The following TMEM178B variants were observed in gnomAD, a reference collection of about 807,000 sequenced individuals.
TMEM178B encodes the protein transmembrane protein 178B.
A neutral mutation model predicts 31.0 loss-of-function variants in TMEM178B; 5 were observed. The ratio of observed to expected loss-of-function variants is 0.16; its 90% CI spans 0.08 to 0.34. TMEM178B has a LOEUF of 0.34. Ranked by LOEUF, TMEM178B falls within the 10% of genes least tolerant of loss-of-function variation. TMEM178B has a pLI of 1.00. For synonymous variants in TMEM178B, 164 were observed against 164.0 expected, an observed-to-expected ratio of 1.00 and a Z score of 0.00; for missense variants, 275 against 400.3, an observed-to-expected ratio of 0.69 and a Z score of 2.67.
intron 2 of TMEM178B, among the ~76,000 whole-genome samples, chr7:141,365,709 G>C (rs1005791119): frequency 2.0e-5 from 3 of 152,208 alleles, no homozygotes; most frequent in Admixed American, 2.0e-4. Context: ...ATGACATTCT[G>C]TCTGCAGGTG....
At chr7:141,488,839 T>C in the TMEM178B span, among the ~76,000 whole-genome samples, 3 of 148,874 alleles carry the variant, frequency 2.0e-5, no homozygotes, top group African/African-American at 7.4e-5. Context: ...AAAAAAAAGA[T>C]GTCAGTTTAT....
chr7:141,315,021 G>A (rs1465079386), intron 2 of TMEM178B, among the ~76,000 whole-genome samples: 1 of 152,184 alleles, frequency 6.6e-6, no homozygotes, highest in Non-Finnish European at 1.5e-5. Context: ...CCTTCTTCCT[G>A]ATGTGCTTCA....
chr7:141,433,321 T>G (rs1181740), intron 2 of TMEM178B, among the ~76,000 whole-genome samples: 88,480 of 152,066 alleles, frequency 0.58, 26,535 homozygotes, highest in African/African-American at 0.73. Context: ...CAGATCCAAA[T>G]GGACCTGCTG....
At chr7:141,312,794 A>T (rs1180350203) in intron 2 of TMEM178B, among the ~76,000 whole-genome samples, 1 of 152,254 alleles carries the variant, frequency 6.6e-6, no homozygotes, top group Non-Finnish European at 1.5e-5. Flanking sequence ...TTTCTAAAGC[A>T]GGTGGAAGCC....
intron 2 of TMEM178B, among the ~76,000 whole-genome samples, chr7:141,369,037 C>A (rs1319368565): frequency 6.6e-6 from 1 of 151,662 alleles, no homozygotes; most frequent in Non-Finnish European, 1.5e-5. Context: ...CTCTTGCTCA[C>A]CCCCCTTTCC....
chr7:141,342,483 G>A (rs1799532252), intron 2 of TMEM178B, among the ~76,000 whole-genome samples: 1 of 152,166 alleles, frequency 6.6e-6, no homozygotes. Context: ...AGGGGCTGAG[G>A]AATTTGCTTA....
chr7:141,238,705 G>A (rs1797568561), intron 2 of TMEM178B, among the ~76,000 whole-genome samples: 1 of 152,336 alleles, frequency 6.6e-6, no homozygotes, highest in African/African-American at 2.4e-5. Context: ...CTGTCTGGGT[G>A]TGCCACTGTG....
chr7:141,212,543 T>C (rs1474269535), intron 1 of TMEM178B, 48 bp from the exon 2 acceptor site: 7 of 1,456,612 alleles, frequency 4.8e-6, no homozygotes, highest in African/African-American at 2.8e-5. Flanking sequence ...CTAGTCCAGA[T>C]GTGGTTGCTG....
intron 1 of TMEM178B, among the ~76,000 whole-genome samples, chr7:141,186,677 T>C (rs1796614390): frequency 6.6e-6 from 1 of 152,218 alleles, no homozygotes; most frequent in Non-Finnish European, 1.5e-5. Context: ...CCATATGGCA[T>C]GGGTGGCCAA....
At chr7:141,342,205 T>C (rs1205532452) in intron 2 of TMEM178B, among the ~76,000 whole-genome samples, 4 of 152,058 alleles carry the variant, frequency 2.6e-5, no homozygotes, top group African/African-American at 9.7e-5. Flanking sequence ...GCCTCTGCCT[T>C]CCAAAGTCCT....
chr7:141,098,525 C>T (rs963699621), intron 1 of TMEM178B, among the ~76,000 whole-genome samples: 2 of 152,156 alleles, frequency 1.3e-5, no homozygotes, highest in Non-Finnish European at 1.5e-5. Context: ...GTTATACTGC[C>T]TTCAGATCTC....
chr7:141,293,443 G>A (rs1380985773), intron 2 of TMEM178B, among the ~76,000 whole-genome samples: 1 of 152,152 alleles, frequency 6.6e-6, no homozygotes, highest in East Asian at 1.9e-4. Context: ...CTTTTTCTGG[G>A]TAAAAAGTGA....
chr7:141,457,392 ATATG>A (rs1563187748), intron 3 of TMEM178B, among the ~76,000 whole-genome samples: 1 of 152,350 alleles, frequency 6.6e-6, no homozygotes, highest in East Asian at 1.9e-4. Flanking sequence ...ATAGGCATAT[ATATG>A]TATGTATGTG....
At chr7:141,467,886 C>A (rs1454991090) in intron 3 of TMEM178B, among the ~76,000 whole-genome samples, 1 of 149,166 alleles carries the variant, frequency 6.7e-6, no homozygotes, top group African/African-American at 2.5e-5. Flanking sequence ...CACCTTTCTG[C>A]AAGGAAACAC....
At chr7:141,145,449 ACT>A (rs1050322307) in intron 1 of TMEM178B, among the ~76,000 whole-genome samples, 3 of 152,012 alleles carry the variant, frequency 2.0e-5, no homozygotes, top group African/African-American at 7.3e-5. Context: ...ATTCCTGGAA[ACT>A]CTATTTTAAG....
intron 2 of TMEM178B, among the ~76,000 whole-genome samples, chr7:141,331,974 TG>T (rs1357921981): frequency 1.3e-5 from 2 of 152,232 alleles, no homozygotes; most frequent in African/African-American, 4.8e-5. Context: ...CTCCTGAGGC[TG>T]TGTCCTCTGG....
At chr7:141,347,362 A>G (rs1721565396) in intron 2 of TMEM178B, among the ~76,000 whole-genome samples, 1 of 152,102 alleles carries the variant, frequency 6.6e-6, no homozygotes, top group South Asian at 2.1e-4. Context: ...GTTAGGGTGT[A>G]AGATCAATCA....
chr7:141,122,606 C>T (rs1017048945), intron 1 of TMEM178B, among the ~76,000 whole-genome samples: 1 of 152,190 alleles, frequency 6.6e-6, no homozygotes, highest in African/African-American at 2.4e-5. Flanking sequence ...CCAGGGACAT[C>T]TCCATGTACT....
intron 1 of TMEM178B, among the ~76,000 whole-genome samples, chr7:141,126,553 C>T (rs910875955): frequency 5.3e-5 from 8 of 152,296 alleles, no homozygotes; most frequent in South Asian, 2.1e-4. Context: ...TTCCTTCATC[C>T]GATACTCTGC....
Sources: gnomAD v4.1 joint callset for allele counts (sites outside exome capture counted in the v4.1 genomes callset) on GRCh38, gnomAD v4.1.1 for gene constraint, MANE v1.5 for transcripts, NCBI Gene and HGNC (gene_info 2026-07-23, HGNC 2026-07-21) for gene names.